Variants in UNC13C observed in about 807,000 individuals in gnomAD.
The protein encoded by UNC13C is unc-13 homolog C, also known as protein unc-13 homolog C.
UNC13C carries 174 observed loss-of-function variants against 245.4 expected under a neutral mutation model. That is an observed-to-expected ratio of 0.71 (90% CI 0.63 to 0.80). The LOEUF is 0.80. Ranked by LOEUF, UNC13C falls within the 30% of genes least tolerant of loss-of-function variation. The pLI is 0.00. For missense variants in UNC13C, 2,829 were observed against 2,602.9 expected (o/e 1.09, Z -1.89); for synonymous variants, 992 against 895.1 (o/e 1.11, Z -1.93).
chr15:54,004,632 A>G (rs1222336675), intron 1 of UNC13C, among the ~76,000 whole-genome samples: 1 of 152,182 alleles, frequency 6.6e-6, no homozygotes, highest in Non-Finnish European at 1.5e-5. Context: ...CACCAATAGT[A>G]TACAAGGGCT....
At position 54,300,274 on chromosome 15, in the gene UNC13C, G is replaced by T. The variant is rs1443238471; in HGVS notation, c.4169G>T (p.Gly1390Val). 2 of 1,596,970 alleles carry T rather than the reference G, an allele frequency of 1.3e-6. No homozygotes were observed. Among genetic ancestry groups the T allele is most frequent in the East Asian group, 2.3e-5 (1 of 44,444 alleles). ...GGAGTGAAAATCCCAGAAGTCAAAG[G>T]GGATGAAGCCTGGAAGGTTTTCTTT... ...NGGVKIPEVK[G>V]DEAWKVFFDD... Residue 1390 changes from glycine to valine, a missense_variant, in exon 13 of 33, where the codon GGG becomes GTG. Physicochemically the swap from Gly to Val is moderately radical, Grantham distance 109. Coordinates refer to ENST00000260323, the MANE Select transcript of UNC13C (RefSeq NM_001080534.3).
At chr15:53,926,588 A>G in the UNC13C span, among the ~76,000 whole-genome samples, 1 of 152,344 alleles carries the variant, frequency 6.6e-6, no homozygotes, top group East Asian at 1.9e-4. Flanking sequence ...TACAGGACAC[A>G]GTCACTGGCC....
At chr15:54,336,634 G>A (rs1053777313) in intron 16 of UNC13C, among the ~76,000 whole-genome samples, 3 of 151,760 alleles carry the variant, frequency 2.0e-5, no homozygotes, top group Non-Finnish European at 4.4e-5. Flanking sequence ...TTGTTTTGCT[G>A]GTTGTTTTTG....
intron 2 of UNC13C, among the ~76,000 whole-genome samples, chr15:54,067,918 C>G (rs1317747751): frequency 6.6e-6 from 1 of 152,162 alleles, no homozygotes; most frequent in Non-Finnish European, 1.5e-5. Context: ...GTAATATTGC[C>G]AGGTAAAATA....
chr15:54,495,244 T>C (rs1359767622), intron 20 of UNC13C, among the ~76,000 whole-genome samples: 1 of 152,084 alleles, frequency 6.6e-6, no homozygotes, highest in Non-Finnish European at 1.5e-5. Context: ...ATTAGAATTC[T>C]GTTTTATTCT....
chr15:54,452,675 C>T (rs551619662), intron 19 of UNC13C, among the ~76,000 whole-genome samples: 2 of 152,318 alleles, frequency 1.3e-5, no homozygotes, highest in South Asian at 4.1e-4. Flanking sequence ...GAGTGATCCT[C>T]AGACCCCAGC....
intron 17 of UNC13C, among the ~76,000 whole-genome samples, chr15:54,345,306 G>T (rs2038834876): frequency 6.6e-6 from 1 of 152,128 alleles, no homozygotes. Flanking sequence ...GAAATTATAG[G>T]TATATTTCAC....
At chr15:54,564,082 C>A (rs1270135393) in intron 29 of UNC13C, among the ~76,000 whole-genome samples, 1 of 151,950 alleles carries the variant, frequency 6.6e-6, no homozygotes, top group African/African-American at 2.4e-5. Context: ...AAGTGAGGAG[C>A]CTATGGCGTA....
chr15:53,891,430 G>T, the UNC13C span, among the ~76,000 whole-genome samples: 8 of 152,216 alleles, frequency 5.3e-5, no homozygotes, highest in East Asian at 9.7e-4. Flanking sequence ...TTAATTTTCT[G>T]TCTCGTTGAT....
chr15:54,156,027 T>C (rs1048540008), intron 4 of UNC13C, among the ~76,000 whole-genome samples: 1 of 152,232 alleles, frequency 6.6e-6, no homozygotes, highest in African/African-American at 2.4e-5. Context: ...CATATTTCTG[T>C]AATTTGAAAT....
chr15:54,150,828 A>G (rs1380017296), intron 4 of UNC13C, among the ~76,000 whole-genome samples: 1 of 152,232 alleles, frequency 6.6e-6, no homozygotes, highest in African/African-American at 2.4e-5. Context: ...GATAAAATTT[A>G]CTATCTATAT....
At chr15:54,366,721 A>C (rs1416738166) in intron 17 of UNC13C, among the ~76,000 whole-genome samples, 2 of 152,178 alleles carry the variant, frequency 1.3e-5, no homozygotes, top group African/African-American at 4.8e-5. Flanking sequence ...AAGAGCTCTC[A>C]GTGATTTTTT....
chr15:54,458,270 T>C (rs946331430), intron 19 of UNC13C, among the ~76,000 whole-genome samples: 160 of 152,270 alleles, frequency 1.1e-3, no homozygotes, highest in African/African-American at 3.6e-3. Context: ...CTTTTAGTTT[T>C]CTTAAATTTA....
At chr15:54,444,788 AT>A (rs1890715961) in intron 19 of UNC13C, among the ~76,000 whole-genome samples, 2 of 151,256 alleles carry the variant, frequency 1.3e-5, no homozygotes, top group South Asian at 2.1e-4. Flanking sequence ...TTAAGAGTTT[AT>A]TTTTTATATA....
intron 2 of UNC13C, among the ~76,000 whole-genome samples, chr15:54,108,536 A>T (rs575093861): frequency 6.4e-4 from 98 of 152,142 alleles, no homozygotes; most frequent in African/African-American, 2.3e-3. Flanking sequence ...GTAGGCCAAG[A>T]AAAAAAATAG....
intron 2 of UNC13C, among the ~76,000 whole-genome samples, chr15:54,103,271 T>C (rs1437579968): frequency 6.6e-6 from 1 of 152,152 alleles, no homozygotes; most frequent in Non-Finnish European, 1.5e-5. Flanking sequence ...AAACACCTGT[T>C]CTCTCACACT....
At chr15:54,082,299 A>G (rs1898988091) in intron 2 of UNC13C, among the ~76,000 whole-genome samples, 1 of 152,212 alleles carries the variant, frequency 6.6e-6, no homozygotes, top group East Asian at 1.9e-4. Context: ...AATTTCTTGT[A>G]TCTGGGTCTT....
chr15:53,992,365 A>G (rs1355835423), intron 1 of UNC13C, among the ~76,000 whole-genome samples: 2 of 152,016 alleles, frequency 1.3e-5, no homozygotes, highest in Non-Finnish European at 2.9e-5. Context: ...GGAGAATGCT[A>G]TGACTTTACT....
At chr15:53,849,638 T>G in the UNC13C span, among the ~76,000 whole-genome samples, 1 of 152,184 alleles carries the variant, frequency 6.6e-6, no homozygotes, top group Non-Finnish European at 1.5e-5. Flanking sequence ...ATATTTCTTC[T>G]TATTGCATGT....
Sources: allele counts gnomAD v4.1 joint callset (sites outside exome capture counted in the v4.1 genomes callset), GRCh38; gene constraint gnomAD v4.1.1; transcripts MANE v1.5; gene names NCBI Gene and HGNC (gene_info 2026-07-23, HGNC 2026-07-21).